The following CHL1 variants were observed in gnomAD, a reference collection of about 807,000 sequenced individuals.
The protein encoded by CHL1 is neural cell adhesion molecule L1-like protein.
CHL1 carries 96 observed loss-of-function variants against 141.9 expected under a neutral mutation model. The observed-to-expected ratio is 0.68, with a 90% CI of 0.57 to 0.80. The LOEUF (loss-of-function observed/expected upper bound fraction) is 0.80, where lower values mean the gene tolerates loss of function less well. CHL1 is among the 30% of genes least tolerant of loss of function. The pLI is 0.00. For missense variants in CHL1, 1,820 were observed against 1,457.2 expected (o/e 1.25, Z -4.05); for synonymous variants, 613 against 502.2 (o/e 1.22, Z -2.95).
At chr3:205,290 T>C (rs905970887) in intron 1 of CHL1, among the ~76,000 whole-genome samples, 27 of 152,026 alleles carry the variant, frequency 1.8e-4, no homozygotes, top group African/African-American at 6.5e-4. Flanking sequence ...TTTAAAATCT[T>C]TTTTGTAAAG....
intron 15 of CHL1, among the ~76,000 whole-genome samples, chr3:367,582 C>T (rs1169779369): frequency 1.3e-5 from 2 of 152,202 alleles, no homozygotes; most frequent in Non-Finnish European, 2.9e-5. Context: ...ATACCAACTG[C>T]ACAGTCCATT....
chr3:212,011 A>G (rs1182846187), intron 1 of CHL1, among the ~76,000 whole-genome samples: 1 of 152,196 alleles, frequency 6.6e-6, no homozygotes, highest in Non-Finnish European at 1.5e-5. Flanking sequence ...AGCCACCGAT[A>G]AAAAGTTACT....
At chr3:265,518 G>T (rs1695076050) in intron 2 of CHL1, among the ~76,000 whole-genome samples, 2 of 152,112 alleles carry the variant, frequency 1.3e-5, no homozygotes, top group Non-Finnish European at 2.9e-5. Context: ...GTCAAAAAAT[G>T]CACTAAATTT....
chr3:299,037 C>G (rs1698466837), intron 2 of CHL1, among the ~76,000 whole-genome samples: 1 of 152,134 alleles, frequency 6.6e-6, no homozygotes, highest in South Asian at 2.1e-4. Context: ...GGAATTTGTA[C>G]AAGTTTTGAG....
chr3:317,832 C>T (rs1352191908), intron 2 of CHL1, among the ~76,000 whole-genome samples: 1 of 151,652 alleles, frequency 6.6e-6, no homozygotes, highest in East Asian at 1.9e-4. Context: ...AGCATTTTTC[C>T]ATGTTTTATT....
At chr3:339,049 C>A (rs952626183) in intron 5 of CHL1, among the ~76,000 whole-genome samples, 1 of 152,120 alleles carries the variant, frequency 6.6e-6, no homozygotes, top group African/African-American at 2.4e-5. Context: ...ATTACATGCC[C>A]TTTCCATTTT....
At chr3:331,888 A>C (rs535541973) in intron 5 of CHL1, among the ~76,000 whole-genome samples, 1 of 152,332 alleles carries the variant, frequency 6.6e-6, no homozygotes, top group South Asian at 2.1e-4. Context: ...AAAGCATTTG[A>C]TCCTACCCAA....
At chr3:237,372 GA>G (rs1692097593) in intron 1 of CHL1, among the ~76,000 whole-genome samples, 1 of 152,202 alleles carries the variant, frequency 6.6e-6, no homozygotes, top group African/African-American at 2.4e-5. Flanking sequence ...GCAGAACTGT[GA>G]GTCAATTAAA....
chr3:355,605 G>A (rs1703642488), intron 11 of CHL1, among the ~76,000 whole-genome samples: 1 of 152,188 alleles, frequency 6.6e-6, no homozygotes, highest in African/African-American at 2.4e-5. Flanking sequence ...TTGCTCTGGG[G>A]CCTGCACAAG....
chr3:246,869 G>C (rs1693221155), intron 2 of CHL1: 1 of 151,996 alleles, frequency 6.6e-6, no homozygotes, highest in Non-Finnish European at 1.5e-5. Context: ...CATCTTAACA[G>C]AAGGCTTAAG....
rs146942322 is a variant in CHL1 at position 383,871 on chromosome 3, G to T, written c.2232G>T (p.Met744Ile). ...IRVQASQPKE[M>I]IIKWEPLKSM... ...TTCAAGCCTCTCAACCCAAGGAAATGATTATAAAGTGGGAGGTGTGTATTT... is the reference window on the plus strand; with the variant it reads ...TTCAAGCCTCTCAACCCAAGGAAATTATTATAAAGTGGGAGGTGTGTATTT... Residue 744 changes from methionine (M) to isoleucine (I), a missense_variant, in exon 19 of 28, where the codon ATG becomes ATT. Met to Ile is a conservative substitution (Grantham distance 10). Coordinates refer to ENST00000256509, the MANE Select transcript of CHL1 (RefSeq NM_006614.4). 1 of 1,608,964 alleles carries T rather than the reference G, an allele frequency of 6.2e-7. No homozygotes were observed. The highest frequency in any genetic ancestry group is 8.5e-7 in the Non-Finnish European group (1 of 1,176,586).
chr3:290,071 G>T (rs921225777), intron 2 of CHL1, among the ~76,000 whole-genome samples: 25 of 150,284 alleles, frequency 1.7e-4, no homozygotes, highest in African/African-American at 6.1e-4. Flanking sequence ...TTTTTTCTCT[G>T]TAAGGCATGT....
At chr3:388,357 G>C (rs1163475006) in intron 19 of CHL1, among the ~76,000 whole-genome samples, 1 of 152,156 alleles carries the variant, frequency 6.6e-6, no homozygotes, top group Non-Finnish European at 1.5e-5. Flanking sequence ...AGACCAGCCT[G>C]ACCAACATGG....
At chr3:317,965 G>A (rs1559245454) in intron 2 of CHL1, among the ~76,000 whole-genome samples, 1 of 151,844 alleles carries the variant, frequency 6.6e-6, no homozygotes, top group Non-Finnish European at 1.5e-5. Context: ...TTTGTCATTA[G>A]AAAATATTCT....
chr3:401,591 T>A (rs375958548), intron 26 of CHL1, 35 bp from the exon 27 acceptor site: 32 of 1,220,152 alleles, frequency 2.6e-5, no homozygotes, highest in Non-Finnish European at 3.6e-5. Flanking sequence ...AAATGGTCAC[T>A]GTATTACTTT....
At chr3:313,456 G>A (rs960522539) in intron 2 of CHL1, among the ~76,000 whole-genome samples, 2 of 152,014 alleles carry the variant, frequency 1.3e-5, no homozygotes, top group Non-Finnish European at 2.9e-5. Context: ...TTTGAATAAT[G>A]TTATTTGCAA....
intron 1 of CHL1, among the ~76,000 whole-genome samples, chr3:205,558 C>T (rs17329331): frequency 0.13 from 19,514 of 152,204 alleles, 1,668 homozygotes; most frequent in Non-Finnish European, 0.19. Flanking sequence ...GAGAGTTGAA[C>T]GTAGTCCTGG....
At chr3:255,996 T>C (rs1206141378) in intron 2 of CHL1, among the ~76,000 whole-genome samples, 2 of 152,202 alleles carry the variant, frequency 1.3e-5, no homozygotes, top group African/African-American at 4.8e-5. Context: ...CTTTCTAAAA[T>C]TCCTGGGATT....
At chr3:338,442 G>A (rs1216159013) in intron 5 of CHL1, among the ~76,000 whole-genome samples, 1 of 152,166 alleles carries the variant, frequency 6.6e-6, no homozygotes, top group Non-Finnish European at 1.5e-5. Flanking sequence ...TTTAAATGGA[G>A]TCATTTCTTT....
Sources: allele counts gnomAD v4.1 joint callset (sites outside exome capture counted in the v4.1 genomes callset), GRCh38; gene constraint gnomAD v4.1.1; transcripts MANE v1.5; gene names NCBI Gene and HGNC (gene_info 2026-07-23, HGNC 2026-07-21).